The following RIF1 variants were observed in gnomAD, a reference collection of about 807,000 sequenced individuals.
RIF1 encodes telomere-associated protein RIF1.
RIF1 carries 45 observed loss-of-function variants against 247.1 expected under a neutral mutation model. The ratio of observed to expected loss-of-function variants is 0.18; its 90% CI spans 0.14 to 0.23. The LOEUF is 0.23. RIF1 is among the 10% of genes least tolerant of loss of function. The pLI is 1.00. For missense variants in RIF1, 2,967 were observed against 2,862.5 expected, an observed-to-expected ratio of 1.04 and a Z score of -0.83; for synonymous variants, 1,087 against 978.8, an observed-to-expected ratio of 1.11 and a Z score of -2.06.
At chr2:151,415,978 T>C (rs1260428131) in intron 4 of RIF1, among the ~76,000 whole-genome samples, 1 of 152,246 alleles carries the variant, frequency 6.6e-6, no homozygotes, top group Non-Finnish European at 1.5e-5. Flanking sequence ...AAAAGTTCTT[T>C]GACATGATAA....
intron 18 of RIF1, 133 bp from the exon 19 acceptor site, chr2:151,445,205 A>G (rs140837978): frequency 2.7e-5 from 18 of 654,626 alleles, no homozygotes; most frequent in African/African-American, 2.5e-4. Flanking sequence ...TCGAGGGGTT[A>G]AGAGTTAAAC....
chr2:151,462,154 T>G, intron 27 of RIF1, 88 bp from the exon 28 acceptor site: 2 of 867,714 alleles, frequency 2.3e-6, no homozygotes, highest in Non-Finnish European at 3.5e-6. Flanking sequence ...ATTACAGGCG[T>G]GAGCCACCGT....
At position 151,416,698 on chromosome 2, in the gene RIF1, G is replaced by T; in HGVS notation, c.408+10G>T. 3 of 1,611,822 alleles carry T rather than the reference G, an allele frequency of 1.9e-6. No homozygotes were observed. The highest frequency in any genetic ancestry group is 2.5e-6 in the Non-Finnish European group (3 of 1,179,498). ...AGTGGTTGGCAAAATGGTGAGTATA[G>T]TTTTTGGGTATGCCATCTTAACTAT... On this transcript the variant is annotated intron_variant, in intron 5 of 35. Coordinates refer to ENST00000444746, the MANE Select transcript of RIF1 (RefSeq NM_018151.5).
At chr2:151,470,561 T>C (rs1425897792) in intron 34 of RIF1, among the ~76,000 whole-genome samples, 1 of 152,134 alleles carries the variant, frequency 6.6e-6, no homozygotes, top group Non-Finnish European at 1.5e-5. Context: ...CTCAAAAAGC[T>C]TCAAATTTTG....
chr2:151,433,897 C>T (rs928826297), intron 10 of RIF1, among the ~76,000 whole-genome samples: 32 of 152,066 alleles, frequency 2.1e-4, no homozygotes, highest in Middle Eastern at 3.4e-3. Context: ...ATCAGCCGGG[C>T]GCGGTGACTC....
chr2:151,426,167 A>ATTTTTT (rs1345679795), intron 8 of RIF1, among the ~76,000 whole-genome samples: 1 of 83,854 alleles, frequency 1.2e-5, no homozygotes, highest in South Asian at 3.8e-4. Context: ...TTTGGCTTTT[A>ATTTTTT]ATTTTTTTTT....
the RIF1 span, among the ~76,000 whole-genome samples, chr2:151,523,071 C>T: frequency 2.6e-5 from 4 of 152,206 alleles, no homozygotes; most frequent in East Asian, 1.9e-4. Context: ...ACATCATAGT[C>T]GTTTGTTTTT....
In RIF1 at chr2:151,462,405, A is replaced by G; in HGVS notation, c.3309-7A>G. The stretch of plus-strand genomic sequence containing the variant: ...AAAAATAATATTCTTACTAATATTT[A>G]TTTCAGGGAAATTCCTACTTTAACC... On this transcript the variant is annotated splice_region_variant and splice_polypyrimidine_tract_variant and intron_variant, in intron 28 of 35. Coordinates refer to ENST00000444746, the MANE Select transcript of RIF1 (RefSeq NM_018151.5). 6.6e-7 allele frequency: 1 copy of G among 1,513,026 alleles called. No homozygotes were observed. The highest frequency in any genetic ancestry group is 1.3e-5 in the South Asian group (1 of 78,266). 93.7% of individuals were successfully genotyped at this position (1,513,026 alleles called of 1,614,324 possible). A position where few individuals can be genotyped will look rare whatever the true frequency, so the allele number is the denominator to read the frequency against.
Position 151,443,313 on chromosome 2 carries a change from G to A in RIF1, c.1789G>A (p.Gly597Ser). ...AATTTTCAACAATTTCTTGGAATGT[G>A]GTGTATCAGATGAAAGGTAAGTTTG... is the stretch of plus-strand genomic sequence containing the variant. Reference protein sequence around the residue: ...QLIFNNFLECGVSDERFFLSL... With the variant: ...QLIFNNFLECSVSDERFFLSL... Residue 597 changes from glycine to serine, a missense_variant, in exon 17 of 36, where the codon GGT (glycine) becomes AGT (serine). This residue lies in a region of RIF1 where 369 missense variants were observed against 322.0 expected (regional missense o/e 1.15). Transcript: ENST00000444746. The A allele has an allele frequency of 6.3e-7, 1 of 1,595,584 alleles. No homozygotes were observed. Among genetic ancestry groups the A allele is most frequent in the Non-Finnish European group, 8.6e-7 (1 of 1,164,540 alleles).
At chr2:151,516,587 A>G in the RIF1 span, 6 of 1,455,618 alleles carry the variant, frequency 4.1e-6, no homozygotes, top group East Asian at 9.1e-5. Flanking sequence ...GCCATGTTAG[A>G]TATCTCTCCT....
intron 2 of RIF1, 82 bp from the exon 3 acceptor site, chr2:151,411,178 A>G: frequency 2.3e-6 from 2 of 864,662 alleles, no homozygotes; most frequent in Non-Finnish European, 3.7e-6. Context: ...AGTAATTTTT[A>G]AAAAGATTGT....
downstream of RIF1, among the ~76,000 whole-genome samples, chr2:151,510,545 C>T (rs1402122122): frequency 3.3e-5 from 5 of 152,132 alleles, no homozygotes; most frequent in Admixed American, 3.3e-4. Context: ...TAGTCAACCT[C>T]GGTCAAAAAT....
chr2:151,446,375 T>C, intron 19 of RIF1, 51 bp from the exon 20 acceptor site: 3 of 1,486,196 alleles, frequency 2.0e-6, no homozygotes, highest in Non-Finnish European at 1.9e-6. Flanking sequence ...CTATAAACTT[T>C]GATAGATAGG....
chr2:151,439,972 CAAAAAAA>C (rs1165450117), intron 14 of RIF1, 48 bp from the exon 15 acceptor site: 145 of 276,532 alleles, frequency 5.2e-4, no homozygotes, highest in Middle Eastern at 1.1e-3. Context: ...GACCCTGTCT[CAAAAAAA>C]AAAAAAAAAA....
At chr2:151,490,667 A>T in intron 9 of RIF1, 1 of 981,986 alleles carries the variant, frequency 1.0e-6, no homozygotes, top group Non-Finnish European at 1.5e-6. Context: ...AGTTATTCTG[A>T]TGTAGGTTTG....
At position 151,492,377 on chromosome 2, in the gene RIF1, C is replaced by T. The variant is rs2152826984; in HGVS notation, c.*416-2852C>T. On this transcript the variant is annotated intron_variant and NMD_transcript_variant, in intron 9 of 13. Coordinates refer to the RIF1 transcript ENST00000454583. ...GGCAGCCAGCCAATCCTAAAGAATT[C>T]CTGACTCACCGTTGAGATGTGCCGT... 1 of 1,595,958 alleles carries T rather than the reference C, an allele frequency of 6.3e-7. No individual in the cohort carries two copies. The highest frequency in any genetic ancestry group is 8.6e-7 in the Non-Finnish European group (1 of 1,169,518).
chr2:151,435,748 T>C (rs1691057897), intron 11 of RIF1, among the ~76,000 whole-genome samples, 168 bp downstream of exon 11: 1 of 151,866 alleles, frequency 6.6e-6, no homozygotes, highest in African/African-American at 2.4e-5. Context: ...AAATCCATTA[T>C]CATGTTTTTC....
At chr2:151,452,196 A>G (rs187513034) in intron 21 of RIF1, among the ~76,000 whole-genome samples, 2 of 152,212 alleles carry the variant, frequency 1.3e-5, no homozygotes, top group Non-Finnish European at 2.9e-5. Context: ...TACCTGAAAC[A>G]TGGTAATTAA....
chr2:151,509,096 A>G (rs961867353), downstream of RIF1, among the ~76,000 whole-genome samples: 12 of 152,174 alleles, frequency 7.9e-5, no homozygotes, highest in Admixed American at 4.6e-4. Context: ...GTCTGTCTCT[A>G]TGTACTTTGT....
Sources: gnomAD v4.1 joint callset for allele counts (sites outside exome capture counted in the v4.1 genomes callset) on GRCh38, gnomAD v4.1.1 for gene constraint, gnomAD v4.1.1 regional missense constraint, MANE v1.5 for transcripts, NCBI Gene and HGNC (gene_info 2026-07-23, HGNC 2026-07-21) for gene names.